BICD2: variants seen among roughly 807,000 people sequenced by gnomAD.
BICD2 encodes the protein protein bicaudal D homolog 2.
BICD2 carries 25 observed loss-of-function variants against 72.9 expected under a neutral mutation model. The ratio of observed to expected loss-of-function variants is 0.34; its 90% CI spans 0.25 to 0.48. The LOEUF (loss-of-function observed/expected upper bound fraction) is 0.48. Among genes scored for constraint, BICD2 ranks in the 20% least tolerant of loss-of-function variants. BICD2 has a pLI of 0.99. For missense variants in BICD2, 894 were observed against 1,175.2 expected (o/e 0.76, Z 3.50); for synonymous variants, 501 against 516.1 (o/e 0.97, Z 0.40).
chr9:92,751,145 T>C (rs1854141447), intron 1 of BICD2, among the ~76,000 whole-genome samples: 1 of 151,136 alleles, frequency 6.6e-6, no homozygotes, highest in African/African-American at 2.4e-5. Context: ...TTGTTGTTGT[T>C]GTTGTTGTTG....
At chr9:92,732,598 A>G (rs541867304) in intron 1 of BICD2, among the ~76,000 whole-genome samples, 2 of 152,344 alleles carry the variant, frequency 1.3e-5, no homozygotes, top group East Asian at 1.9e-4. Flanking sequence ...TACATGACTC[A>G]AGAGGAGCAA....
chr9:92,717,782 C>G lies in BICD2; in HGVS notation c.2258+15G>C, dbSNP rs140501870. 1,292 of 1,599,586 alleles carry G rather than the reference C, an allele frequency of 8.1e-4. 10 individuals carry two copies. In the African/African-American group the frequency reaches 0.015, roughly 18 times the overall value. ...GGCCTTGTGGAAGGGGAGGGCCCGA[C>G]AGCAGCACGGTTACCTGGTGGCAAA... On this transcript the variant is annotated intron_variant, in intron 6 of 6. Coordinates refer to ENST00000356884, the MANE Select transcript of BICD2 (RefSeq NM_001003800.2).
rs563081756 is a variant in BICD2, at chr9:92,713,901, C to T, written c.*1253G>A. On this transcript the variant is annotated 3_prime_UTR_variant, in exon 7 of 7. Transcript: ENST00000356884. Reference sequence around the variant, plus strand: ...CACCAGGTAACTCGAATGCCTCTTCCGCATGAGAGACAAGGCAAGCAGCCT... The same window carrying T: ...CACCAGGTAACTCGAATGCCTCTTCTGCATGAGAGACAAGGCAAGCAGCCT... 25 of 999,710 alleles carry T rather than the reference C, an allele frequency of 2.5e-5. No homozygotes were observed. In the East Asian group the frequency reaches 1.3e-3, roughly 50 times the overall value. The allele number at this position is 999,710 out of a possible 1,614,324, so 61.9% of individuals were successfully genotyped here.
rs144863179 is a variant in BICD2 at position 92,711,499 on chromosome 9, C to T, written c.*3655G>A. On this transcript the variant is annotated 3_prime_UTR_variant, in exon 7 of 7. Coordinates refer to ENST00000356884, the MANE Select transcript of BICD2 (RefSeq NM_001003800.2). ...TCCTGAAAATCTCAATTAATTTCTC[C>T]TTCCTATTCCTTTTCCATGCTCTGC... The T allele has an allele frequency of 6.5e-6, 1 of 152,750 alleles. No individual in the cohort carries two copies. Among genetic ancestry groups the T allele is most frequent in the African/African-American group, 2.4e-5 (1 of 41,566 alleles). The allele number at this position is 152,750 out of a possible 1,614,324, so 9.5% of individuals were successfully genotyped here.
At chr9:92,758,560 A>AAT (rs1281648986) in intron 1 of BICD2, among the ~76,000 whole-genome samples, 1 of 139,388 alleles carries the variant, frequency 7.2e-6, no homozygotes, top group Non-Finnish European at 1.6e-5. Context: ...TCAAAAAAAA[A>AAT]AAAAAAAAGG....
intron 1 of BICD2, among the ~76,000 whole-genome samples, chr9:92,754,407 A>G (rs976807777): frequency 2.0e-5 from 3 of 152,238 alleles, no homozygotes; most frequent in African/African-American, 7.2e-5. Flanking sequence ...GGCAAATACA[A>G]AATTCTCATC....
intron 1 of BICD2, among the ~76,000 whole-genome samples, chr9:92,763,270 A>C (rs1854408374): frequency 6.6e-6 from 1 of 152,150 alleles, no homozygotes; most frequent in South Asian, 2.1e-4. Flanking sequence ...GGAAGGCTGC[A>C]AATGATTTAG....
At position 92,726,645 on chromosome 9, in the gene BICD2, G is replaced by A. The variant is rs117679731; in HGVS notation, c.453+2379C>T. Among the ~76,000 whole-genome samples the A allele has an allele frequency of 1.1e-4, 17 of 152,260 alleles. No individual in the cohort carries two copies. In the East Asian group the frequency reaches 3.1e-3, roughly 28 times the overall value. On this transcript the variant is annotated intron_variant, in intron 2 of 6. Transcript: ENST00000356884. ...GTACCCAAGGCGAAGACCTGGGATG[G>A]TTCCCACAGCTCTGCAGCAACCCAG... is the stretch of plus-strand genomic sequence containing the variant.
chr9:92,730,175 C>T (rs755442707), intron 1 of BICD2, among the ~76,000 whole-genome samples: 2 of 152,194 alleles, frequency 1.3e-5, no homozygotes, highest in Non-Finnish European at 2.9e-5. Context: ...GTGTGTCACC[C>T]CCAGCAGCCC....
intron 2 of BICD2, among the ~76,000 whole-genome samples, chr9:92,728,203 C>T (rs1853605200): frequency 6.6e-6 from 1 of 152,252 alleles, no homozygotes; most frequent in Non-Finnish European, 1.5e-5. Flanking sequence ...ACATCGTTCC[C>T]CTGGGCTCCC....
chr9:92,759,327 C>T (rs1220082143), intron 1 of BICD2, among the ~76,000 whole-genome samples: 1 of 151,900 alleles, frequency 6.6e-6, no homozygotes, highest in African/African-American at 2.4e-5. Context: ...CCACATTTGT[C>T]CTGCGCCATC....
chr9:92,715,388 C>G lies in BICD2; in HGVS notation c.2334G>C (p.Leu778=). The change falls in exon 7 of 7, where the codon CTG becomes CTC. Residue 778 remains leucine (L), a synonymous_variant. Transcript: ENST00000356884. ...GGATGGCCATGCGCAGCAGCGAGTT[C>G]AGCGTCTTCTTCTCGTCCTCAGCAG... is the stretch of plus-strand genomic sequence containing the variant. ...LAAAEDEKKT[L]NSLLRMAIQQ... is the part of the protein sequence containing the mutation. 6.2e-7 allele frequency: 1 copy of G among 1,611,112 alleles called. No individual in the cohort carries two copies. Among genetic ancestry groups the G allele is most frequent in the South Asian group, 1.1e-5 (1 of 91,030 alleles).
intron 1 of BICD2, among the ~76,000 whole-genome samples, chr9:92,737,980 C>A (rs1424840759): frequency 6.6e-6 from 1 of 152,344 alleles, no homozygotes. Flanking sequence ...CCCTCCTCAG[C>A]CACATAGGCC....
At chr9:92,717,318 AAG>A (rs1853336884) in intron 6 of BICD2, among the ~76,000 whole-genome samples, 1 of 152,222 alleles carries the variant, frequency 6.6e-6, no homozygotes, top group African/African-American at 2.4e-5. Context: ...CATATATGCA[AAG>A]CAGAGACAAG....
intron 1 of BICD2, among the ~76,000 whole-genome samples, chr9:92,733,783 C>G (rs1050287528): frequency 1.3e-5 from 2 of 151,616 alleles, no homozygotes; most frequent in African/African-American, 2.4e-5. Context: ...CTGGCTAACA[C>G]AGTGAAACCC....
intron 1 of BICD2, among the ~76,000 whole-genome samples, chr9:92,757,650 T>C (rs1400316345): frequency 6.6e-6 from 1 of 150,446 alleles, no homozygotes; most frequent in Non-Finnish European, 1.5e-5. Context: ...GAGCTTGCAG[T>C]AAGCCGAGAT....
rs143129915 is a variant in BICD2 at position 92,758,226 on chromosome 9, A to C, written c.240+6279T>G. Among the ~76,000 whole-genome samples, 869 of 148,190 alleles carry C rather than the reference A, an allele frequency of 5.9e-3. 3 individuals carry two copies. The highest frequency in any genetic ancestry group is 9.3e-3 in the Non-Finnish European group (629 of 67,304). On this transcript the variant is annotated intron_variant, in intron 1 of 6. Coordinates refer to ENST00000356884, the MANE Select transcript of BICD2 (RefSeq NM_001003800.2). ...CTCAAATAATAATAATAATAATAATAATAATATGAATAAATAAATAAATAA... is the reference window on the plus strand; with the variant it reads ...CTCAAATAATAATAATAATAATAATCATAATATGAATAAATAAATAAATAA...
At chr9:92,727,301 G>A (rs533274351) in intron 2 of BICD2, among the ~76,000 whole-genome samples, 19 of 152,300 alleles carry the variant, frequency 1.2e-4, no homozygotes, top group African/African-American at 4.1e-4. Flanking sequence ...CTGACCTCCC[G>A]TAAGATTATC....
chr9:92,752,800 T>C (rs940440554), intron 1 of BICD2, among the ~76,000 whole-genome samples: 3 of 152,252 alleles, frequency 2.0e-5, no homozygotes, highest in African/African-American at 4.8e-5. Flanking sequence ...TACATTGATA[T>C]AATAAACAAG....
Sources: allele counts gnomAD v4.1 joint callset (sites outside exome capture counted in the v4.1 genomes callset), GRCh38; gene constraint gnomAD v4.1.1; transcripts MANE v1.5; gene names NCBI Gene and HGNC (gene_info 2026-07-23, HGNC 2026-07-21).